Variants in CHST15 observed in about 807,000 individuals in gnomAD.
CHST15 encodes the protein carbohydrate sulfotransferase 15.
In CHST15, 30 loss-of-function variants were observed where a neutral mutation model predicts 53.6. The ratio of observed to expected loss-of-function variants is 0.56; its 90% CI spans 0.42 to 0.76. CHST15 has a LOEUF of 0.76. CHST15 is among the 30% of genes least tolerant of loss of function. CHST15 has a pLI of 0.00. For missense variants in CHST15, 627 were observed against 740.5 expected, an observed-to-expected ratio of 0.85 and a Z score of 1.78; for synonymous variants, 296 against 289.8, an observed-to-expected ratio of 1.02 and a Z score of -0.22.
intron 1 of CHST15, among the ~76,000 whole-genome samples, chr10:124,048,162 G>A (rs1381434617): frequency 1.3e-5 from 2 of 152,206 alleles, no homozygotes; most frequent in African/African-American, 2.4e-5. Context: ...TCTGCTTGCC[G>A]TTGGTGAGTG....
At chr10:124,062,172 C>T (rs1237993933) in intron 1 of CHST15, among the ~76,000 whole-genome samples, 7 of 152,154 alleles carry the variant, frequency 4.6e-5, no homozygotes, top group African/African-American at 1.2e-4. Context: ...TTTACACACA[C>T]GCACAGACCA....
intron 1 of CHST15, among the ~76,000 whole-genome samples, chr10:124,050,950 T>C (rs566326329): frequency 1.6e-4 from 24 of 152,150 alleles, no homozygotes; most frequent in African/African-American, 5.1e-4. Context: ...TACATATTCT[T>C]TTTTTTGTTT....
chr10:124,010,146 CT>C lies in CHST15; in HGVS notation c.*2del. On this transcript the variant is annotated 3_prime_UTR_variant, in exon 8 of 8. Coordinates refer to ENST00000435907, the MANE Select transcript of CHST15 (RefSeq NM_001270764.2). The stretch of plus-strand genomic sequence containing the variant: ...CCCAGCACGTGCAGCAACAATTCAG[CT>C]CTCACGTCGTCTTCCACGCAAACGC... 6.2e-7 allele frequency: 1 copy of C among 1,612,486 alleles called. No individual in the cohort carries two copies. Among genetic ancestry groups the C allele is most frequent in the Non-Finnish European group, 8.5e-7 (1 of 1,180,032 alleles).
In CHST15 at chr10:124,035,102, GGGACCCCGGCTCCGCCCCCTAACA is replaced by G. The variant is rs1260235976; in HGVS notation, c.1190+3389_1190+3412del. The stretch of plus-strand genomic sequence containing the variant: ...AGGGACGCCGGCTCCACCCCTAACA[GGGACCCCGGCTCCGCCCCCTAACA>G]GGGACCCCGGCTCCGCCCCCTAACG... On this transcript the variant is annotated intron_variant, in intron 5 of 7. Transcript: ENST00000435907. Among the ~76,000 whole-genome samples, 151 of 126,956 alleles carry G rather than the reference GGGACCCCGGCTCCGCCCCCTAACA, an allele frequency of 1.2e-3. 1 individual carries two copies. Among genetic ancestry groups the G allele is most frequent in the African/African-American group, 4.1e-3 (132 of 32,056 alleles). The allele number at this position is 126,956 out of a possible 152,430, so 83.3% of individuals were successfully genotyped here.
chr10:124,050,323 T>C (rs1948148020), intron 1 of CHST15, among the ~76,000 whole-genome samples: 2 of 152,112 alleles, frequency 1.3e-5, no homozygotes, highest in Non-Finnish European at 1.5e-5. Context: ...GCACAAGCTA[T>C]AAAGAAGTCC....
At chr10:124,010,889 C>T in intron 7 of CHST15, 2 of 985,478 alleles carry the variant, frequency 2.0e-6, no homozygotes, top group East Asian at 1.1e-4. Context: ...AGAGCCCCCA[C>T]TGGCTGAACC....
intron 1 of CHST15, among the ~76,000 whole-genome samples, chr10:124,089,363 A>C (rs1949533216): frequency 6.6e-6 from 1 of 152,204 alleles, no homozygotes; most frequent in South Asian, 2.1e-4. Context: ...TCCAAATGGC[A>C]TCTCTGCAAT....
chr10:124,067,227 G>A (rs886288580), intron 1 of CHST15, among the ~76,000 whole-genome samples: 2 of 152,230 alleles, frequency 1.3e-5, no homozygotes, highest in Non-Finnish European at 2.9e-5. Context: ...GATATTTATC[G>A]TCCATGGATA....
rs1440570381 is a variant in CHST15 at position 124,008,427 on chromosome 10, T to C, written c.*1722A>G. On this transcript the variant is annotated 3_prime_UTR_variant, in exon 8 of 8. Transcript: ENST00000435907. ...ATCTCTCCCTAAAGCATCCTTGTGC[T>C]CAGGCCAGATTTCCCTGCTGGCGGC... The C allele has an allele frequency of 2.0e-6, 2 of 993,732 alleles. No homozygotes were observed. The highest frequency in any genetic ancestry group is 3.5e-5 in the African/African-American group (2 of 57,484). 61.6% of individuals were successfully genotyped at this position (993,732 alleles called of 1,614,324 possible).
At position 124,046,554 on chromosome 10, in the gene CHST15, G is replaced by T; in HGVS notation, c.-342C>A. On this transcript the variant is annotated 5_prime_UTR_variant, in exon 2 of 8. Transcript: ENST00000435907. ...AAAAAAAGGTGGAAGAATTCTCACT[G>T]GGGAATGTGGAAACACACAGAAAAT... 4.5e-6 allele frequency: 1 copy of T among 223,476 alleles called. No individual in the cohort carries two copies. Among genetic ancestry groups the T allele is most frequent in the Non-Finnish European group, 8.7e-6 (1 of 115,320 alleles). The allele number at this position is 223,476 out of a possible 1,614,324, so 13.8% of individuals were successfully genotyped here.
At chr10:124,050,711 C>A (rs1286660481) in intron 1 of CHST15, among the ~76,000 whole-genome samples, 3 of 152,130 alleles carry the variant, frequency 2.0e-5, no homozygotes, top group African/African-American at 7.2e-5. Context: ...GGAGGAGAAA[C>A]CTGAACAAGA....
At position 124,007,965 on chromosome 10, in the gene CHST15, G is replaced by T; in HGVS notation, c.*2184C>A. The T allele has an allele frequency of 1.7e-6, 2 of 1,204,796 alleles. No homozygotes were observed. Among genetic ancestry groups the T allele is most frequent in the Non-Finnish European group, 2.0e-6 (2 of 980,914 alleles). 74.6% of individuals were successfully genotyped at this position (1,204,796 alleles called of 1,614,324 possible). A position where few individuals can be genotyped will look rare whatever the true frequency, so the allele number is the denominator to read the frequency against. On this transcript the variant is annotated 3_prime_UTR_variant, in exon 8 of 8. Transcript: ENST00000435907. ...GGGCCTCGAATGAGAGGAAGCAGAG[G>T]CAGCCGAAGTGCCCTCTGGAGAGAA...
Position 124,012,493 on chromosome 10 carries a change from A to C in CHST15, c.1348-13T>G, listed in dbSNP as rs1355822381. The C allele has an allele frequency of 6.2e-7, 1 of 1,604,780 alleles. No homozygotes were observed. The highest frequency in any genetic ancestry group is 1.3e-5 in the African/African-American group (1 of 74,756). On this transcript the variant is annotated splice_polypyrimidine_tract_variant and intron_variant, in intron 6 of 7. Transcript: ENST00000435907. The stretch of plus-strand genomic sequence containing the variant: ...CCTGGAGCCTCACCTAGGACCACAG[A>C]AGAAGGGCATTATTTCAGGAGCAGT...
intron 1 of CHST15, among the ~76,000 whole-genome samples, chr10:124,085,718 G>A (rs1371732148): frequency 6.6e-6 from 1 of 152,164 alleles, no homozygotes; most frequent in African/African-American, 2.4e-5. Flanking sequence ...TGTGGGACAG[G>A]GTCAAGGTTG....
At chr10:124,034,691 G>A (rs1947366386) in intron 5 of CHST15, among the ~76,000 whole-genome samples, 1 of 117,204 alleles carries the variant, frequency 8.5e-6, no homozygotes, top group Admixed American at 9.1e-5. Flanking sequence ...CAGGGACCCC[G>A]GCTCCACCCC....
intron 1 of CHST15, among the ~76,000 whole-genome samples, chr10:124,056,909 T>C (rs2134074476): frequency 6.7e-6 from 1 of 150,290 alleles, no homozygotes. Context: ...CCGGACACAT[T>C]GCAGCCTGGG....
At chr10:124,051,974 A>G (rs1391008146) in intron 1 of CHST15, among the ~76,000 whole-genome samples, 1 of 152,232 alleles carries the variant, frequency 6.6e-6, no homozygotes, top group Non-Finnish European at 1.5e-5. Flanking sequence ...AGAAATCTGG[A>G]TGGATTTAAA....
chr10:124,042,618 G>A (rs1258374421), intron 3 of CHST15, among the ~76,000 whole-genome samples, 171 bp from the exon 4 acceptor site: 1 of 152,096 alleles, frequency 6.6e-6, no homozygotes, highest in Admixed American at 6.6e-5. Flanking sequence ...TGGGGGTGGG[G>A]GTCTATGCGG....
In CHST15 at chr10:124,038,622, G is replaced by A. The variant is rs1406358720; in HGVS notation, c.1083C>T (p.Phe361=). Residue 361 remains phenylalanine (F), a synonymous_variant, in exon 5 of 8, where the codon TTC becomes TTT. Transcript: ENST00000435907. ...GCTCGCCATCCGTGCTGTTGTCGTA[G>A]AAGAACGTCCAGGCATTATTATCCC... ...TMWDNNAWTF[F]YDNSTDGEPP... The A allele has an allele frequency of 1.2e-6, 2 of 1,614,174 alleles. No homozygotes were observed. The highest frequency in any genetic ancestry group is 1.7e-6 in the Non-Finnish European group (2 of 1,180,030).
Sources: gnomAD v4.1 joint callset for allele counts (sites outside exome capture counted in the v4.1 genomes callset) on GRCh38, gnomAD v4.1.1 for gene constraint, MANE v1.5 for transcripts, NCBI Gene and HGNC (gene_info 2026-07-23, HGNC 2026-07-21) for gene names.